Variants in OSBPL11 observed in about 807,000 individuals in gnomAD.
The protein encoded by OSBPL11 is oxysterol binding protein like 11, also known as oxysterol-binding protein-related protein 11.
OSBPL11 carries 33 observed loss-of-function variants against 84.4 expected under a neutral mutation model. The observed-to-expected ratio is 0.39, with a 90% CI of 0.30 to 0.52. The LOEUF is 0.52. Among genes scored for constraint, OSBPL11 ranks in the 20% least tolerant of loss-of-function variants. The pLI, the probability that OSBPL11 is intolerant of heterozygous loss-of-function variation, is 0.72. For missense variants in OSBPL11, 736 were observed against 901.1 expected (o/e 0.82, Z 2.35); for synonymous variants, 276 against 310.2 (o/e 0.89, Z 1.16).
At chr3:125,578,878 G>C (rs1039428771) in intron 4 of OSBPL11, 82 bp downstream of exon 4, 48 of 785,712 alleles carry the variant, frequency 6.1e-5, no homozygotes, top group Middle Eastern at 4.0e-4. Context: ...TATATGAATA[G>C]TATCTCAATT....
At chr3:125,547,329 C>G in intron 10 of OSBPL11, 77 bp downstream of exon 10, 1 of 1,232,732 alleles carries the variant, frequency 8.1e-7, no homozygotes, top group South Asian at 1.4e-5. Context: ...TAGAACAGAG[C>G]AGAAAAAGAA....
chr3:125,536,226 T>C (rs1935638137), intron 11 of OSBPL11, among the ~76,000 whole-genome samples: 1 of 152,174 alleles, frequency 6.6e-6, no homozygotes, highest in African/African-American at 2.4e-5. Flanking sequence ...AATTCTTTCA[T>C]ACTGTTTCAA....
intron 5 of OSBPL11, among the ~76,000 whole-genome samples, chr3:125,575,270 A>G (rs1936304680): frequency 6.6e-6 from 1 of 152,140 alleles, no homozygotes. Flanking sequence ...TACACAGTTT[A>G]AAAGAAATGG....
intron 5 of OSBPL11, among the ~76,000 whole-genome samples, chr3:125,573,003 TA>T (rs1936265876): frequency 6.7e-6 from 1 of 148,436 alleles, no homozygotes; most frequent in Non-Finnish European, 1.5e-5. Context: ...ATATATATAG[TA>T]TATATAGTGT....
intron 1 of OSBPL11, among the ~76,000 whole-genome samples, chr3:125,588,755 G>A (rs953047524): frequency 1.3e-5 from 2 of 152,160 alleles, no homozygotes; most frequent in African/African-American, 4.8e-5. Flanking sequence ...CTAGTGTGTA[G>A]CCTGGGATAT....
rs1176846594 is a variant in OSBPL11, at chr3:125,538,448, T to C, written c.2024+3A>G. The C allele has an allele frequency of 6.2e-7, 1 of 1,612,482 alleles. No homozygotes were observed. The highest frequency in any genetic ancestry group is 8.5e-7 in the Non-Finnish European group (1 of 1,179,090). ...TTCCTGGATAGATGCAAGGATGACA[T>C]ACCTGGATTCAAATGGATCCTGCTT... On this transcript the variant is annotated splice_donor_region_variant and intron_variant, in intron 11 of 12. Coordinates refer to ENST00000296220, the MANE Select transcript of OSBPL11 (RefSeq NM_022776.5).
At chr3:125,569,709 A>G (rs1936215178) in intron 5 of OSBPL11, among the ~76,000 whole-genome samples, 1 of 152,262 alleles carries the variant, frequency 6.6e-6, no homozygotes. Flanking sequence ...AAAAAATATT[A>G]TAGCATAAGC....
chr3:125,563,262 T>C (rs981079997), intron 7 of OSBPL11, among the ~76,000 whole-genome samples: 6 of 152,268 alleles, frequency 3.9e-5, no homozygotes, highest in African/African-American at 1.4e-4. Flanking sequence ...CTATTTTAAG[T>C]AGGGTAATAC....
chr3:125,571,313 G>A (rs1287617973), intron 5 of OSBPL11, among the ~76,000 whole-genome samples: 2 of 152,188 alleles, frequency 1.3e-5, no homozygotes, highest in African/African-American at 4.8e-5. Context: ...TATAAGGGAA[G>A]TAGAGCATAA....
At chr3:125,539,781 A>C in intron 10 of OSBPL11, among the ~76,000 whole-genome samples, 1 of 151,962 alleles carries the variant, frequency 6.6e-6, no homozygotes, top group Non-Finnish European at 1.5e-5. Flanking sequence ...TTTTATGTTC[A>C]CTCTAGGACA....
At position 125,594,988 on chromosome 3, in the gene OSBPL11, G is replaced by T. The variant is rs1055419; in HGVS notation, c.-188C>A. The T allele has an allele frequency of 1.7e-6, 1 of 597,784 alleles. No homozygotes were observed. Among genetic ancestry groups the T allele is most frequent in the South Asian group, 2.3e-5 (1 of 43,086 alleles). 37.0% of individuals were successfully genotyped at this position (597,784 alleles called of 1,614,324 possible). On this transcript the variant is annotated 5_prime_UTR_variant, in exon 1 of 13. Coordinates refer to ENST00000296220, the MANE Select transcript of OSBPL11 (RefSeq NM_022776.5). Reference sequence around the variant, plus strand: ...ACATTCCCACAGAAGTTAAACTTTTGAGAGGGCAGGGGAAGCAACGAGGAC... The same window carrying T: ...ACATTCCCACAGAAGTTAAACTTTTTAGAGGGCAGGGGAAGCAACGAGGAC...
chr3:125,593,492 C>G (rs914822808), intron 1 of OSBPL11, among the ~76,000 whole-genome samples: 1 of 151,608 alleles, frequency 6.6e-6, no homozygotes, highest in Non-Finnish European at 1.5e-5. Context: ...TGGTGGCGCA[C>G]GCCTGTAATC....
At chr3:125,556,486 T>C (rs891219854) in intron 8 of OSBPL11, among the ~76,000 whole-genome samples, 7 of 152,310 alleles carry the variant, frequency 4.6e-5, no homozygotes, top group South Asian at 2.1e-4. Flanking sequence ...CTGAAAATAC[T>C]GAGCAGCTCA....
At chr3:125,588,635 A>C (rs905151867) in intron 1 of OSBPL11, among the ~76,000 whole-genome samples, 1 of 152,170 alleles carries the variant, frequency 6.6e-6, no homozygotes, top group Non-Finnish European at 1.5e-5. Context: ...ATCCTCCCAA[A>C]AGGCTTAGCA....
chr3:125,580,514 C>CAAAAAAAAAAA (rs56041212), intron 2 of OSBPL11, among the ~76,000 whole-genome samples: 1 of 64,980 alleles, frequency 1.5e-5, no homozygotes. Context: ...AACTCCGTCT[C>CAAAAAAAAAAA]AAAAAAAAAA....
At chr3:125,588,666 A>G (rs895675770) in intron 1 of OSBPL11, among the ~76,000 whole-genome samples, 1 of 152,232 alleles carries the variant, frequency 6.6e-6, no homozygotes, top group African/African-American at 2.4e-5. Flanking sequence ...TTCTCTGGAT[A>G]AGAAATAGCA....
intron 1 of OSBPL11, among the ~76,000 whole-genome samples, chr3:125,586,832 CCTTT>C (rs1301394073): frequency 6.6e-6 from 1 of 152,126 alleles, no homozygotes; most frequent in Non-Finnish European, 1.5e-5. Context: ...TATTTCTCAA[CCTTT>C]CTTTATCAGA....
At chr3:125,556,626 T>C (rs773764693) in intron 8 of OSBPL11, among the ~76,000 whole-genome samples, 3 of 152,214 alleles carry the variant, frequency 2.0e-5, no homozygotes, top group Non-Finnish European at 4.4e-5. Context: ...CAATAACTTA[T>C]AAGAAGCTAA....
intron 10 of OSBPL11, among the ~76,000 whole-genome samples, chr3:125,544,434 C>A (rs115645327): frequency 1.3e-5 from 2 of 152,064 alleles, no homozygotes; most frequent in Non-Finnish European, 2.9e-5. Flanking sequence ...GTTGCCAAAA[C>A]CAAAGTTAAA....
Sources: allele counts gnomAD v4.1 joint callset (sites outside exome capture counted in the v4.1 genomes callset), GRCh38; gene constraint gnomAD v4.1.1; transcripts MANE v1.5; gene names NCBI Gene and HGNC (gene_info 2026-07-23, HGNC 2026-07-21).